Variants in TPRG1 observed in about 807,000 individuals in gnomAD.
TPRG1 encodes tumor protein p63 regulated 1.
In TPRG1, 29 loss-of-function variants were observed where a neutral mutation model predicts 29.3. The observed-to-expected ratio is 0.99, with a 90% CI of 0.74 to 1.35. The LOEUF (loss-of-function observed/expected upper bound fraction) is 1.35. Among genes scored for constraint, TPRG1 ranks in the 40% most tolerant of loss-of-function variants. TPRG1 has a pLI of 0.00. For synonymous variants in TPRG1, 130 were observed against 116.8 expected (o/e 1.11, Z -0.73); for missense variants, 327 against 335.0 (o/e 0.98, Z 0.19).
At chr3:189,158,985 T>C (rs549382136) in intron 5 of TPRG1, among the ~76,000 whole-genome samples, 49 of 151,994 alleles carry the variant, frequency 3.2e-4, no homozygotes, top group Admixed American at 1.7e-3. Flanking sequence ...GCAATTTTCC[T>C]CTTAAGAGGA....
chr3:189,066,441 C>T (rs987172981), intron 4 of TPRG1, among the ~76,000 whole-genome samples: 8 of 151,916 alleles, frequency 5.3e-5, no homozygotes, highest in African/African-American at 9.7e-5. Flanking sequence ...AAACTGACTT[C>T]GACAATACAT....
Position 189,215,411 on chromosome 3 carries a change from C to T in TPRG1, c.302+28C>T, listed in dbSNP as rs749614810. On this transcript the variant is annotated intron_variant, in intron 3 of 5. Coordinates refer to ENST00000345063, the MANE Select transcript of TPRG1 (RefSeq NM_198485.4). ...GAGTAGTCACAGCTAAGTGAAGGGC[C>T]GTGGAAATACAGCGTTTTCCTTGAC... 6.3e-6 allele frequency: 10 copies of T among 1,576,996 alleles called. No individual in the cohort carries two copies. The South Asian group carries it at 7.9e-5, about 12-fold the overall frequency.
intron 4 of TPRG1, among the ~76,000 whole-genome samples, chr3:189,030,589 A>G (rs1328521090): frequency 6.6e-6 from 1 of 152,196 alleles, no homozygotes; most frequent in East Asian, 1.9e-4. Context: ...GTGTTACTCC[A>G]AGCTCCCTAC....
chr3:189,140,335 G>A (rs901754484), intron 3 of TPRG1, among the ~76,000 whole-genome samples: 2 of 152,116 alleles, frequency 1.3e-5, no homozygotes, highest in African/African-American at 4.8e-5. Flanking sequence ...TGGTGACTTT[G>A]GGCACATTCC....
At chr3:189,140,231 T>C (rs2108563807) in intron 3 of TPRG1, among the ~76,000 whole-genome samples, 1 of 152,250 alleles carries the variant, frequency 6.6e-6, no homozygotes, top group South Asian at 2.1e-4. Flanking sequence ...AAAATTAGAG[T>C]TGGACAGGAC....
chr3:189,014,860 G>A (rs1712837737), intron 3 of TPRG1, among the ~76,000 whole-genome samples: 1 of 152,092 alleles, frequency 6.6e-6, no homozygotes, highest in Admixed American at 6.6e-5. Flanking sequence ...AAATTACTCA[G>A]TCTCAGGTAG....
chr3:189,041,594 C>T (rs780712894), intron 4 of TPRG1, among the ~76,000 whole-genome samples: 2 of 152,218 alleles, frequency 1.3e-5, no homozygotes, highest in Non-Finnish European at 2.9e-5. Flanking sequence ...CTTCCCTTCT[C>T]ACCCCATGTG....
At chr3:189,133,668 T>G (rs926314625) in intron 3 of TPRG1, among the ~76,000 whole-genome samples, 4 of 152,202 alleles carry the variant, frequency 2.6e-5, no homozygotes, top group Non-Finnish European at 4.4e-5. Flanking sequence ...TTAAGCCTTT[T>G]TCCTTTACAA....
intron 1 of TPRG1, among the ~76,000 whole-genome samples, chr3:189,123,900 G>A (rs532454811): frequency 6.6e-6 from 1 of 152,210 alleles, no homozygotes; most frequent in African/African-American, 2.4e-5. Context: ...TCAGACCCTG[G>A]CCAGCCAGCC....
intron 3 of TPRG1, among the ~76,000 whole-genome samples, chr3:189,134,593 A>G (rs931443396): frequency 1.3e-5 from 2 of 150,912 alleles, no homozygotes; most frequent in African/African-American, 2.5e-5. Flanking sequence ...AATTTATAAA[A>G]TTTTGTAGAG....
At position 189,235,382 on chromosome 3, in the gene TPRG1, T is replaced by C. The variant is rs565825240; in HGVS notation, c.303-3351T>C. On this transcript the variant is annotated intron_variant, in intron 3 of 5. Coordinates refer to ENST00000345063, the MANE Select transcript of TPRG1 (RefSeq NM_198485.4). ...GGCAGCAGATGATGAAAGACTGAAT[T>C]AGAAGAGTGAAAGGGAAGATGGAGA... is the stretch of plus-strand genomic sequence containing the variant. 3.9e-5 allele frequency among the ~76,000 whole-genome samples: 6 copies of C among 151,962 alleles called. No individual in the cohort carries two copies. The South Asian group carries it at 1.3e-3, about 32-fold the overall frequency.
intron 4 of TPRG1, among the ~76,000 whole-genome samples, chr3:189,086,302 G>A (rs1717929991): frequency 6.6e-6 from 1 of 151,914 alleles, no homozygotes; most frequent in African/African-American, 2.4e-5. Flanking sequence ...TGATTAGATG[G>A]TGCCCACCCA....
intron 3 of TPRG1, 63 bp downstream of exon 3, chr3:189,215,446 G>A (rs879563530): frequency 5.2e-5 from 70 of 1,335,878 alleles, no homozygotes; most frequent in Non-Finnish European, 7.1e-5. Context: ...CATCACTGTA[G>A]CAGAATAGGA....
At chr3:189,315,657 C>A (rs1173855508) in intron 5 of TPRG1, 2 of 329,512 alleles carry the variant, frequency 6.1e-6, no homozygotes, top group East Asian at 1.7e-4. Flanking sequence ...GTAAATGAAC[C>A]AATGTTTTAG....
intron 3 of TPRG1, among the ~76,000 whole-genome samples, chr3:189,009,695 T>G (rs1242599323): frequency 6.6e-6 from 1 of 152,070 alleles, no homozygotes; most frequent in Non-Finnish European, 1.5e-5. Flanking sequence ...CCAATAGAAA[T>G]AAATATAATA....
chr3:189,153,070 T>C lies in TPRG1; in HGVS notation c.-10+2198T>C, dbSNP rs1271054028. Among the ~76,000 whole-genome samples the C allele has an allele frequency of 1.1e-4, 16 of 152,236 alleles. 1 individual carries two copies. Among genetic ancestry groups the C allele is most frequent in the Non-Finnish European group, 2.4e-4 (16 of 68,044 alleles). The stretch of plus-strand genomic sequence containing the variant: ...GACCTGAAATAAATGGGAAAAACTT[T>C]TGACTTAAATGTAATATTCCTCTGA... On this transcript the variant is annotated intron_variant, in intron 5 of 6. Coordinates refer to the TPRG1 transcript ENST00000412373.
chr3:189,091,230 G>A (rs1288886497), intron 4 of TPRG1, among the ~76,000 whole-genome samples: 1 of 152,010 alleles, frequency 6.6e-6, no homozygotes, highest in East Asian at 1.9e-4. Context: ...TTCTTCCAGT[G>A]GTTTGTAAAC....
chr3:189,167,118 T>G (rs1371245519), upstream of TPRG1, among the ~76,000 whole-genome samples: 1 of 152,176 alleles, frequency 6.6e-6, no homozygotes, highest in Non-Finnish European at 1.5e-5. Flanking sequence ...GGCTGTGAGA[T>G]TCCATCTAGC....
intron 1 of TPRG1, among the ~76,000 whole-genome samples, chr3:189,189,506 C>T (rs1639697468): frequency 6.6e-6 from 1 of 151,898 alleles, no homozygotes; most frequent in Admixed American, 6.6e-5. Context: ...GGATTTGCCC[C>T]TGGGAGATGA....
Sources: gnomAD v4.1 joint callset for allele counts (sites outside exome capture counted in the v4.1 genomes callset) on GRCh38, gnomAD v4.1.1 for gene constraint, MANE v1.5 for transcripts, NCBI Gene and HGNC (gene_info 2026-07-23, HGNC 2026-07-21) for gene names.